The following SREBF1 variants were observed in gnomAD, a reference collection of about 807,000 sequenced individuals.
The protein encoded by SREBF1 is sterol regulatory element binding transcription factor 1.
In SREBF1, 45 loss-of-function variants were observed where a neutral mutation model predicts 100.1. The ratio of observed to expected loss-of-function variants is 0.45; its 90% CI spans 0.35 to 0.58. SREBF1 has a LOEUF of 0.58. SREBF1 is among the 20% of genes least tolerant of loss of function. The probability of loss-of-function intolerance (pLI) is 0.00; values close to 1 mark genes in which losing one functional copy is unlikely to be tolerated. For missense variants in SREBF1, 1,324 were observed against 1,539.4 expected, an observed-to-expected ratio of 0.86 and a Z score of 2.34; for synonymous variants, 657 against 681.8, an observed-to-expected ratio of 0.96 and a Z score of 0.57.
Position 17,815,115 on chromosome 17 carries a change from C to T in SREBF1, c.2492+106G>A, listed in dbSNP as rs1335378638. ...AGAGAGGAATGAAGCGTGCATGGCA[C>T]GCACGGTAGCCCAGCTCTGGGCTCT... is the stretch of plus-strand genomic sequence containing the variant. On this transcript the variant is annotated intron_variant, in intron 13 of 18. Transcript: ENST00000261646. The T allele has an allele frequency of 2.6e-5, 33 of 1,282,530 alleles. No homozygotes were observed. In the East Asian group the frequency reaches 6.1e-4, roughly 24 times the overall value. 79.4% of individuals were successfully genotyped at this position (1,282,530 alleles called of 1,614,324 possible).
intron 16 of SREBF1, 78 bp from the exon 17 acceptor site, chr17:17,813,847 G>A (rs887412741): frequency 1.4e-6 from 2 of 1,405,798 alleles, no homozygotes; most frequent in Non-Finnish European, 1.9e-6. Context: ...TGGTGCCAGG[G>A]GCCGGCTCCG....
At chr17:17,829,279 CAT>C (rs552362788) in intron 1 of SREBF1, among the ~76,000 whole-genome samples, 54 of 140,216 alleles carry the variant, frequency 3.9e-4, no homozygotes, top group Admixed American at 4.9e-4. Context: ...CACACACACA[CAT>C]ATATATATAT....
Position 17,814,271 on chromosome 17 carries a change from T to G in SREBF1, c.2875A>C (p.Thr959Pro), listed in dbSNP as rs773938321. The G allele has an allele frequency of 6.2e-7, 1 of 1,605,142 alleles. No individual in the cohort carries two copies. The highest frequency in any genetic ancestry group is 1.7e-5 in the Admixed American group (1 of 59,208). ...SGYLQDSLAT[T>P]PASSSIDKAV... The stretch of plus-strand genomic sequence containing the variant: ...TTGTCAATGGAGCTGCTGGCTGGTG[T>G]GGTAGCCAGGCTGTCCTGCAGGTAC... Residue 959 changes from threonine to proline, a missense_variant, in exon 16 of 19, where the codon ACA (threonine) becomes CCA (proline). Coordinates refer to ENST00000261646, the MANE Select transcript of SREBF1 (RefSeq NM_004176.5).
intron 1 of SREBF1, among the ~76,000 whole-genome samples, chr17:17,827,108 G>T (rs183573218): frequency 8.9e-4 from 135 of 152,334 alleles, no homozygotes; most frequent in African/African-American, 3.0e-3. Context: ...GAGGGCAGAA[G>T]AAACAGTGTG....
At chr17:17,819,796 C>A in intron 2 of SREBF1, 71 bp from the exon 3 acceptor site, 1 of 1,492,194 alleles carries the variant, frequency 6.7e-7, no homozygotes. Context: ...CTTCAGGTCT[C>A]TATCACCGAC....
At chr17:17,832,466 T>C (rs952562289) in intron 1 of SREBF1, among the ~76,000 whole-genome samples, 1 of 152,128 alleles carries the variant, frequency 6.6e-6, no homozygotes, top group Admixed American at 6.5e-5. Flanking sequence ...CCCTCATGTC[T>C]CTCAAGGGAC....
intron 1 of SREBF1, among the ~76,000 whole-genome samples, chr17:17,829,265 TACACACAC>T (rs532379353): frequency 7.5e-6 from 1 of 133,694 alleles, no homozygotes; most frequent in South Asian, 2.4e-4. Context: ...CACTCACACA[TACACACAC>T]ACACACATAT....
Position 17,817,236 on chromosome 17 carries a change from C to A in SREBF1, c.1606+20G>T, listed in dbSNP as rs1436420511. The A allele has an allele frequency of 1.2e-6, 2 of 1,607,186 alleles. No homozygotes were observed. Among genetic ancestry groups the A allele is most frequent in the East Asian group, 2.2e-5 (1 of 44,620 alleles). ...ACCCCGAGTGTCCCTCCCAAAGATGCCCAGGCTGGCCGGTCCCACCTCTGC... is the reference window on the plus strand; with the variant it reads ...ACCCCGAGTGTCCCTCCCAAAGATGACCAGGCTGGCCGGTCCCACCTCTGC... On this transcript the variant is annotated intron_variant, in intron 8 of 18. Transcript: ENST00000261646. The surrounding 1 kb of genome is among the most constrained non-coding windows in gnomAD (Gnocchi z 6.6).
At chr17:17,833,632 CT>C (rs1199705460) in intron 1 of SREBF1, among the ~76,000 whole-genome samples, 1 of 151,602 alleles carries the variant, frequency 6.6e-6, no homozygotes, top group Non-Finnish European at 1.5e-5. Context: ...GAATGATATA[CT>C]AAAAATGGGT....
chr17:17,826,812 T>C (rs2034518274), intron 1 of SREBF1, among the ~76,000 whole-genome samples: 2 of 152,242 alleles, frequency 1.3e-5, no homozygotes, highest in Admixed American at 1.3e-4. Context: ...AGGGAAATCC[T>C]GGGCAGGCCT....
Position 17,813,586 on chromosome 17 carries a change from G to T in SREBF1, c.3085C>A (p.Arg1029=). ...GCACTCACCCTCCGCATGGCGGGCC[G>T]GAAGCTCTGTGCCAGCCGCCTCAGG... ...SSLRRLAQSF[R]PAMRRVFLHE... Residue 1029 remains arginine, a synonymous_variant, in exon 17 of 19, where the codon CGG becomes AGG. Coordinates refer to ENST00000261646, the MANE Select transcript of SREBF1 (RefSeq NM_004176.5). 1 of 1,594,494 alleles carries T rather than the reference G, an allele frequency of 6.3e-7. No individual in the cohort carries two copies.
At chr17:17,829,451 G>A (rs2034723146) in intron 1 of SREBF1, among the ~76,000 whole-genome samples, 2 of 151,900 alleles carry the variant, frequency 1.3e-5, no homozygotes, top group Admixed American at 1.3e-4. Flanking sequence ...CCGGCACTGG[G>A]TGATGGTCAT....
At chr17:17,818,439 G>A (rs2033822976) in intron 5 of SREBF1, 65 bp from the exon 6 acceptor site, 1 of 1,229,146 alleles carries the variant, frequency 8.1e-7, no homozygotes, top group South Asian at 1.2e-5. Flanking sequence ...TGTGGGGTTG[G>A]AGAGCCCTAG....
Position 17,816,465 on chromosome 17 carries a change from T to C in SREBF1, c.2039A>G (p.His680Arg). 1 of 1,605,824 alleles carries C rather than the reference T, an allele frequency of 6.2e-7. No homozygotes were observed. The highest frequency in any genetic ancestry group is 8.5e-7 in the Non-Finnish European group (1 of 1,177,050). ...ALVYHKLHQL[H>R]TMGKHTGGHL... ...CCCACGCTCAGTCCTACCCATGGTG[T>C]GCAGCTGGTGCAGCTTATGGTAGAC... The change falls in exon 10 of 19, where the codon CAC becomes CGC. Residue 680 changes from histidine (H) to arginine (R), a missense_variant. Physicochemically the swap from His to Arg is conservative, Grantham distance 29. Transcript: ENST00000261646.
In SREBF1 at chr17:17,813,648, G is replaced by A; in HGVS notation, c.3023C>T (p.Ala1008Val). ...CCGTTGGAAGCCACGCAGCTCAAGG[G>A]CGGAAGCCTGGGGCCTGCTGCTGGT... The part of the protein sequence containing the change: ...QGTSSRPQAS[A>V]LELRGFQRDL... Residue 1008 changes from alanine to valine, a missense_variant, in exon 17 of 19, where the codon GCC (alanine) becomes GTC (valine). Transcript: ENST00000261646. The A allele has an allele frequency of 1.3e-6, 2 of 1,566,114 alleles. No individual in the cohort carries two copies. The highest frequency in any genetic ancestry group is 1.7e-6 in the Non-Finnish European group (2 of 1,162,902).
chr17:17,828,366 C>T (rs2034619617), intron 1 of SREBF1, among the ~76,000 whole-genome samples: 1 of 152,234 alleles, frequency 6.6e-6, no homozygotes, highest in Non-Finnish European at 1.5e-5. Context: ...GACCGTCTGA[C>T]CCTATAAACC....
chr17:17,818,648 C>T lies in SREBF1; in HGVS notation c.1069-274G>A. ...TCAGGGAGGCCTTCCCTGGCTACCA[C>T]CAGGGGACCCTCACCATCCTCTTCC... On this transcript the variant is annotated intron_variant, in intron 5 of 18. Transcript: ENST00000261646. The T allele has an allele frequency of 5.8e-6, 3 of 519,366 alleles. No homozygotes were observed. The South Asian group carries it at 6.0e-5, about 10-fold the overall frequency. The allele number at this position is 519,366 out of a possible 1,614,324, so 32.2% of individuals were successfully genotyped here. A position where few individuals can be genotyped will look rare whatever the true frequency, so the allele number is the denominator to read the frequency against.
intron 1 of SREBF1, chr17:17,823,677 CCA>C (rs1488749737): frequency 1.7e-6 from 2 of 1,156,828 alleles, no homozygotes; most frequent in Non-Finnish European, 2.3e-6. Flanking sequence ...CGCCCCGCCC[CCA>C]GCCCCGCCCC....
Position 17,811,894 on chromosome 17 carries a change from G to A in SREBF1, c.*728C>T. 2 of 436,406 alleles carry A rather than the reference G, an allele frequency of 4.6e-6. No individual in the cohort carries two copies. Among genetic ancestry groups the A allele is most frequent in the Non-Finnish European group, 9.1e-6 (2 of 219,884 alleles). The allele number at this position is 436,406 out of a possible 1,614,324, so 27.0% of individuals were successfully genotyped here. A position where few individuals can be genotyped will look rare whatever the true frequency, so the allele number is the denominator to read the frequency against. ...TGGGAGCAGGGGGAACAGGTAGGCT[G>A]GAGGCCATACAGCCAGCCCTCCCCA... is the stretch of plus-strand genomic sequence containing the variant. On this transcript the variant is annotated 3_prime_UTR_variant, in exon 19 of 19. Coordinates refer to ENST00000261646, the MANE Select transcript of SREBF1 (RefSeq NM_004176.5).
Sources: allele counts gnomAD v4.1 joint callset (sites outside exome capture counted in the v4.1 genomes callset), GRCh38; gene constraint gnomAD v4.1.1; non-coding constraint Gnocchi (gnomAD v3.1); transcripts MANE v1.5; gene names NCBI Gene and HGNC (gene_info 2026-07-23, HGNC 2026-07-21).